The following MAP3K11 variants were observed in gnomAD, a reference collection of about 807,000 sequenced individuals.
MAP3K11 encodes mitogen-activated protein kinase kinase kinase 11, also known as SH3 domain-containing proline-rich kinase.
A neutral mutation model predicts 84.9 loss-of-function variants in MAP3K11; 46 were observed. That is an observed-to-expected ratio of 0.54 (90% CI 0.43 to 0.69). MAP3K11 has a LOEUF of 0.69. Ranked by LOEUF, MAP3K11 falls within the 30% of genes least tolerant of loss-of-function variation. MAP3K11 has a pLI of 0.00. For synonymous variants in MAP3K11, 527 were observed against 514.7 expected (o/e 1.02, Z -0.32); for missense variants, 1,053 against 1,198.3 (o/e 0.88, Z 1.79).
chr11:65,599,885 C>T (rs117309574), intron 8 of MAP3K11, 117 bp from the exon 9 acceptor site: 20,741 of 1,134,424 alleles, frequency 0.018, 267 homozygotes, highest in Non-Finnish European at 0.021. Context: ...TAGCATCTTC[C>T]CTGGTCCCAC....
intron 8 of MAP3K11, 65 bp downstream of exon 8, chr11:65,605,696 G>A: frequency 8.2e-7 from 1 of 1,221,008 alleles, no homozygotes; most frequent in African/African-American, 1.5e-5. Context: ...AGCCTATTGT[G>A]GCCTCCCCAA....
rs1171325485 is a variant in MAP3K11 at position 65,608,592 on chromosome 11, T to G, written c.740-144A>C. On this transcript the variant is annotated intron_variant, in intron 1 of 9. Coordinates refer to ENST00000309100, the MANE Select transcript of MAP3K11 (RefSeq NM_002419.4). Reference sequence around the variant, plus strand: ...CTTGGTCTAGATCTTGAGGACCTACTTGAGGTCAGACATTTCTTTTCTTTT... The same window carrying G: ...CTTGGTCTAGATCTTGAGGACCTACGTGAGGTCAGACATTTCTTTTCTTTT... 3 of 639,108 alleles carry G rather than the reference T, an allele frequency of 4.7e-6. No individual in the cohort carries two copies. In the East Asian group the frequency reaches 8.2e-5, roughly 17 times the overall value. The allele number at this position is 639,108 out of a possible 1,614,324, so 39.6% of individuals were successfully genotyped here.
chr11:65,606,263 A>C, intron 6 of MAP3K11, 182 bp from the exon 7 acceptor site: 10 of 592,128 alleles, frequency 1.7e-5, no homozygotes, highest in Non-Finnish European at 2.7e-5. Flanking sequence ...GGGGCATCTC[A>C]TCTAGCCCTT....
In MAP3K11 at chr11:65,613,788, A is replaced by G. The variant is rs770252416; in HGVS notation, c.-32T>C. On this transcript the variant is annotated 5_prime_UTR_variant, in exon 1 of 10. Transcript: ENST00000309100. ...GAGCCGGCGCTGGGATGTGTGGAGG[A>G]CCTTCTCTGGGTGCCCGTGGTCCCC... 5.3e-6 allele frequency: 8 copies of G among 1,501,822 alleles called. No individual in the cohort carries two copies. The highest frequency in any genetic ancestry group is 7.1e-6 in the Non-Finnish European group (8 of 1,130,878). 93.0% of individuals were successfully genotyped at this position (1,501,822 alleles called of 1,614,324 possible).
At chr11:65,599,281 G>A in intron 9 of MAP3K11, 113 bp downstream of exon 9, 2 of 1,294,158 alleles carry the variant, frequency 1.5e-6, no homozygotes, top group South Asian at 3.1e-5. Flanking sequence ...TCAGGGTCCA[G>A]CTGATGACTG....
chr11:65,602,283 G>C (rs1276578667), intron 8 of MAP3K11, among the ~76,000 whole-genome samples: 1 of 151,514 alleles, frequency 6.6e-6, no homozygotes, highest in Non-Finnish European at 1.5e-5. Flanking sequence ...AGGCCAAGTA[G>C]GGCAGATCAC....
At chr11:65,602,586 T>C (rs959003578) in intron 8 of MAP3K11, among the ~76,000 whole-genome samples, 2 of 150,852 alleles carry the variant, frequency 1.3e-5, no homozygotes, top group African/African-American at 2.4e-5. Flanking sequence ...GTGGAGGTTG[T>C]AGTGAGCCGA....
chr11:65,604,879 G>C (rs1854490741), intron 8 of MAP3K11, among the ~76,000 whole-genome samples: 1 of 152,076 alleles, frequency 6.6e-6, no homozygotes, highest in South Asian at 2.1e-4. Context: ...GGCAAGGGAG[G>C]CCATAACTCT....
chr11:65,607,455 G>T lies in MAP3K11; in HGVS notation c.1304C>A (p.Ala435Glu). Residue 435 changes from alanine to glutamate, a missense_variant, in exon 5 of 10, where the codon GCG (alanine) becomes GAG (glutamate). By Grantham distance (107) the Ala-to-Glu change is moderately radical (BLOSUM62 -1). Around this residue, in one of 3 missense-constraint regions of MAP3K11, gnomAD observed 310 missense variants for 464.5 expected, o/e 0.67. Transcript: ENST00000309100. The part of the protein sequence containing the change: ...TRAAREQRSQ[A>E]EQLRRREHLL... ...GTGCTCGCGCCGCCGCAGCTGCTCCGCCTGTGACCGCTGCTCGCGCGCCGC... is the reference window on the plus strand; with the variant it reads ...GTGCTCGCGCCGCCGCAGCTGCTCCTCCTGTGACCGCTGCTCGCGCGCCGC... The T allele has an allele frequency of 1.9e-6, 3 of 1,545,000 alleles. No individual in the cohort carries two copies. The highest frequency in any genetic ancestry group is 2.6e-6 in the Non-Finnish European group (3 of 1,155,864).
intron 1 of MAP3K11, 186 bp from the exon 2 acceptor site, chr11:65,608,634 TAAGA>T (rs1403764028): frequency 1.0e-5 from 6 of 582,504 alleles, no homozygotes; most frequent in Non-Finnish European, 1.8e-5. Context: ...TTTTTTTTCT[TAAGA>T]TAGAGTTTTG....
Position 65,599,543 on chromosome 11 carries a change from C to T in MAP3K11, c.2057G>A (p.Cys686Tyr). 1 of 1,486,396 alleles carries T rather than the reference C, an allele frequency of 6.7e-7. No individual in the cohort carries two copies. Among genetic ancestry groups the T allele is most frequent in the Non-Finnish European group, 8.9e-7 (1 of 1,124,886 alleles). 92.1% of individuals were successfully genotyped at this position (1,486,396 alleles called of 1,614,324 possible). ...CGGGGAAGGGGGCGGCTCGGTCGGG[C>T]AGGGCGCGGGCGTTGGCGTGGGGGG... Reference protein sequence around the residue: ...TTPPTPTPAPCPTEPPPSPLI... With the variant: ...TTPPTPTPAPYPTEPPPSPLI... The change falls in exon 9 of 10, where the codon TGC (cysteine) becomes TAC (tyrosine). Residue 686 changes from cysteine to tyrosine, a missense_variant. Transcript: ENST00000309100.
Position 65,599,764 on chromosome 11 carries a change from G to T in MAP3K11, c.1836C>A (p.Asn612Lys), listed in dbSNP as rs781769081. The T allele has an allele frequency of 1.9e-6, 3 of 1,593,718 alleles. No individual in the cohort carries two copies. The highest frequency in any genetic ancestry group is 1.7e-6 in the Non-Finnish European group (2 of 1,177,838). ...CGGGCTCCAGGCTAGGCCGCGGGGG[G>T]TTACCTGCGGGCAGAGGCGGCACAG... Reference protein sequence around the residue: ...SPSTPPALNGNPPRPSLEPEE... With the variant: ...SPSTPPALNGKPPRPSLEPEE... The change falls in exon 9 of 10, where the codon AAC becomes AAA. Residue 612 changes from asparagine (N) to lysine (K), a missense_variant. Around this residue, in one of 3 missense-constraint regions of MAP3K11, gnomAD observed 583 missense variants for 566.6 expected, o/e 1.03. Coordinates refer to ENST00000309100, the MANE Select transcript of MAP3K11 (RefSeq NM_002419.4).
Position 65,607,301 on chromosome 11 carries a change from G to A in MAP3K11, c.1458C>T (p.Arg486=), listed in dbSNP as rs1043506494. Residue 486 remains arginine (R), a synonymous_variant, in exon 5 of 10, where the codon CGC becomes CGT. Transcript: ENST00000309100. ...GTFKRSKLRA[R]DGGERISMPL... ...GCATGCTGATACGCTCGCCGCCGTC[G>A]CGCGCCCGGAGCTTGCTGCGCTTGA... The A allele has an allele frequency of 1.3e-6, 2 of 1,521,254 alleles. No individual in the cohort carries two copies. Among genetic ancestry groups the A allele is most frequent in the Admixed American group, 2.0e-5 (1 of 48,782 alleles). 94.2% of individuals were successfully genotyped at this position (1,521,254 alleles called of 1,614,324 possible).
At chr11:65,610,375 GACC>G (rs1339451068) in intron 1 of MAP3K11, 1 of 152,274 alleles carries the variant, frequency 6.6e-6, no homozygotes, top group Non-Finnish European at 1.5e-5. Flanking sequence ...CATGAAACAA[GACC>G]ACACTTTTAA....
intron 8 of MAP3K11, among the ~76,000 whole-genome samples, chr11:65,600,401 AT>A (rs1282041149): frequency 6.6e-6 from 1 of 152,214 alleles, no homozygotes; most frequent in Non-Finnish European, 1.5e-5. Context: ...GCATAGGGGC[AT>A]TATGTTGTCT....
At chr11:65,606,236 G>A in intron 6 of MAP3K11, 155 bp from the exon 7 acceptor site, 1 of 792,330 alleles carries the variant, frequency 1.3e-6, no homozygotes, top group Non-Finnish European at 1.8e-6. Context: ...TTTGGGTCTT[G>A]GGGCCAACAG....
At chr11:65,599,868 C>T (rs1854437230) in intron 8 of MAP3K11, 100 bp from the exon 9 acceptor site, 1 of 1,295,510 alleles carries the variant, frequency 7.7e-7, no homozygotes, top group Non-Finnish European at 1.1e-6. Context: ...TGAGTTCTGC[C>T]CTCTACTAGC....
intron 9 of MAP3K11, 149 bp from the exon 10 acceptor site, chr11:65,598,777 C>G: frequency 1.8e-6 from 1 of 549,416 alleles, no homozygotes; most frequent in Non-Finnish European, 3.0e-6. Flanking sequence ...CGTGGTGCCT[C>G]TGTTTTTTGT....
chr11:65,599,599 T>C lies in MAP3K11; in HGVS notation c.2001A>G (p.Pro667=), dbSNP rs1854430789. ...TCGGGGACTCCCCGCGCTCGCGTCCTGGGCCTCCCGGCGGCTGCAGGTCGC... is the reference window on the plus strand; with the variant it reads ...TCGGGGACTCCCCGCGCTCGCGTCCCGGGCCTCCCGGCGGCTGCAGGTCGC... ...LGRDLQPPGG[P]GRERGESPTT... The change falls in exon 9 of 10, where the codon CCA becomes CCG. Residue 667 remains proline (P), a synonymous_variant. Transcript: ENST00000309100. 1 of 1,541,498 alleles carries C rather than the reference T, an allele frequency of 6.5e-7. No homozygotes were observed.
Sources: allele counts gnomAD v4.1 joint callset (sites outside exome capture counted in the v4.1 genomes callset), GRCh38; gene constraint gnomAD v4.1.1; regional missense constraint gnomAD v4.1.1; transcripts MANE v1.5; gene names NCBI Gene and HGNC (gene_info 2026-07-23, HGNC 2026-07-21).